The following DEPDC5 variants were observed in gnomAD, a reference collection of about 807,000 sequenced individuals.
DEPDC5 encodes DEP domain containing 5, GATOR1 subcomplex subunit.
Under a neutral mutation model 217.3 loss-of-function variants are expected in DEPDC5, and 73 were observed. The ratio of observed to expected loss-of-function variants is 0.34; its 90% CI spans 0.28 to 0.41. DEPDC5 has a LOEUF of 0.41. Among genes scored for constraint, DEPDC5 ranks in the 10% least tolerant of loss-of-function variants. The pLI is 1.00. For missense variants in DEPDC5, 1,675 were observed against 2,070.1 expected (o/e 0.81, Z 3.70); for synonymous variants, 733 against 756.7 (o/e 0.97, Z 0.51).
At chr22:31,857,594 C>A in intron 32 of DEPDC5, 41 bp downstream of exon 32, 1 of 1,526,716 alleles carries the variant, frequency 6.6e-7, no homozygotes. Context: ...TCTGTGCTCT[C>A]AGAGACTCAG....
chr22:31,871,939 G>A (rs896768356), intron 34 of DEPDC5, among the ~76,000 whole-genome samples: 2 of 152,212 alleles, frequency 1.3e-5, no homozygotes, highest in Non-Finnish European at 2.9e-5. Context: ...GCCCAGACAC[G>A]TGGTCTCAGC....
chr22:31,792,636 A>T (rs147465188), intron 11 of DEPDC5, 109 bp from the exon 12 acceptor site: 1 of 411,216 alleles, frequency 2.4e-6, no homozygotes, highest in Non-Finnish European at 4.1e-6. Flanking sequence ...AAAAAAAGAC[A>T]GTTATCTTTA....
At chr22:31,781,216 C>CA (rs1243159443) in intron 8 of DEPDC5, among the ~76,000 whole-genome samples, 40 of 97,890 alleles carry the variant, frequency 4.1e-4, no homozygotes, top group East Asian at 3.8e-3. Context: ...AACTCGGTCT[C>CA]AAAAACAAAC....
intron 24 of DEPDC5, among the ~76,000 whole-genome samples, chr22:31,828,798 A>G (rs1028554757): frequency 2.0e-5 from 3 of 152,234 alleles, no homozygotes; most frequent in African/African-American, 7.2e-5. Flanking sequence ...AACAAAAACT[A>G]CTAAGACACT....
chr22:31,826,476 A>G, intron 24 of DEPDC5: 1 of 433,028 alleles, frequency 2.3e-6, no homozygotes, highest in African/African-American at 2.0e-5. Context: ...GTTCCTTTGC[A>G]TAGATAGGTT....
chr22:31,835,177 AT>A lies in DEPDC5; in HGVS notation c.2170+1203del, dbSNP rs1569054450. 5.3e-5 allele frequency among the ~76,000 whole-genome samples: 8 copies of A among 152,098 alleles called. No individual in the cohort carries two copies. In the South Asian group the frequency reaches 1.7e-3, roughly 32 times the overall value. ...ACATAATACATGGTGCAGCAGGTGT[AT>A]TTTTTCTTTTGGTTAATGTCTTTGG... On this transcript the variant is annotated intron_variant, in intron 25 of 42. Transcript: ENST00000651528.
chr22:31,773,785 A>G (rs1202392064), intron 7 of DEPDC5, among the ~76,000 whole-genome samples: 1 of 152,210 alleles, frequency 6.6e-6, no homozygotes, highest in Non-Finnish European at 1.5e-5. Flanking sequence ...AGTTAAGAAC[A>G]CATGAGCCGG....
At chr22:31,832,578 ACTT>A (rs981140480) in intron 24 of DEPDC5, among the ~76,000 whole-genome samples, 1 of 151,346 alleles carries the variant, frequency 6.6e-6, no homozygotes, top group Non-Finnish European at 1.5e-5. Context: ...GCAACCTTGG[ACTT>A]CTGGGCACAA....
In DEPDC5 at chr22:31,864,526, T is replaced by TATATATATATATA. The variant is rs1335760559; in HGVS notation, c.3330+3093_3330+3094insATATATATATATA. Among the ~76,000 whole-genome samples, 943 of 117,300 alleles carry TATATATATATATA rather than the reference T, an allele frequency of 8.0e-3. 15 individuals are homozygous for TATATATATATATA. The highest frequency in any genetic ancestry group is 0.018 in the South Asian group (67 of 3,708). 77.0% of individuals were successfully genotyped at this position (117,300 alleles called of 152,430 possible). On this transcript the variant is annotated intron_variant, in intron 33 of 42. Coordinates refer to ENST00000651528, the MANE Select transcript of DEPDC5 (RefSeq NM_001242896.3). ...AATATATATATATATATATATATAT[T>TATATATATATATA]TATATATTTATTTATTTACTGTGTG...
intron 1 of DEPDC5, 107 bp from the exon 2 acceptor site, chr22:31,754,755 C>A: frequency 1.4e-6 from 1 of 691,542 alleles, no homozygotes; most frequent in Non-Finnish European, 2.5e-6. Flanking sequence ...TCACTTGGCA[C>A]CACTTCACAG....
chr22:31,838,812 C>T lies in DEPDC5; in HGVS notation c.2482C>T (p.Pro828Ser), dbSNP rs200526736. Residue 828 changes from proline (P) to serine (S), a missense_variant, in exon 27 of 43, where the codon CCC (proline) becomes TCC (serine). Transcript: ENST00000651528. The part of the protein sequence containing the change: ...KTQKPNPAVP[P>S]PLSSSPLYSR... Reference sequence around the variant, plus strand: ...ACAGAAACCCAATCCTGCTGTCCCGCCCCCGCTGAGCAGTAGCCCACTCTA... The same window carrying T: ...ACAGAAACCCAATCCTGCTGTCCCGTCCCCGCTGAGCAGTAGCCCACTCTA... The T allele has an allele frequency of 1.1e-5, 17 of 1,614,028 alleles. No individual in the cohort carries two copies. Among genetic ancestry groups the T allele is most frequent in the Admixed American group, 6.7e-5 (4 of 60,014 alleles).
chr22:31,786,593 C>G (rs1438999544), intron 10 of DEPDC5, among the ~76,000 whole-genome samples: 1 of 151,506 alleles, frequency 6.6e-6, no homozygotes. Flanking sequence ...GTTCAAACAA[C>G]CTAAAAAAAA....
chr22:31,810,789 T>G, intron 20 of DEPDC5, 148 bp downstream of exon 20: 1 of 1,324,156 alleles, frequency 7.6e-7, no homozygotes, highest in Non-Finnish European at 1.0e-6. Context: ...TGTTTTGTTT[T>G]TTTGAGATGG....
At chr22:31,793,849 C>T (rs1003447469) in intron 12 of DEPDC5, among the ~76,000 whole-genome samples, 2 of 152,094 alleles carry the variant, frequency 1.3e-5, no homozygotes, top group African/African-American at 2.4e-5. Context: ...GGATTACAGG[C>T]GGGAGCCACC....
Position 31,819,097 on chromosome 22 carries a change from A to G in DEPDC5, c.1742A>G (p.Glu581Gly), listed in dbSNP as rs1393550326. ...GGGAGGTTTCACGTTGGCAGTGCAG[A>G]ATCCATGCTGCATGTTCGACCTGGT... Reference protein sequence around the residue: ...APGRFHVGSAESMLHVRPGGY... With the variant: ...APGRFHVGSAGSMLHVRPGGY... The change falls in exon 22 of 43, where the codon GAA becomes GGA. Residue 581 changes from glutamate (E) to glycine (G), a missense_variant. By Grantham distance (98) the Glu-to-Gly change is moderately conservative. This residue lies in a region of DEPDC5 where 628 missense variants were observed against 762.1 expected (regional missense o/e 0.82). Coordinates refer to ENST00000651528, the MANE Select transcript of DEPDC5 (RefSeq NM_001242896.3). 3 of 1,614,176 alleles carry G rather than the reference A, an allele frequency of 1.9e-6. No homozygotes were observed. The highest frequency in any genetic ancestry group is 2.5e-6 in the Non-Finnish European group (3 of 1,180,018).
rs998114532 is a variant in DEPDC5 at position 31,907,795 on chromosome 22, A to G, written c.*1298A>G. On this transcript the variant is annotated 3_prime_UTR_variant, in exon 43 of 43. Coordinates refer to ENST00000651528, the MANE Select transcript of DEPDC5 (RefSeq NM_001242896.3). ...GCTGTGGGTCAGAGGGGAGAATCCG[A>G]CAGTGACTGCCACTTCTTGCTGTGC... is the stretch of plus-strand genomic sequence containing the variant. 1 of 152,238 alleles carries G rather than the reference A, an allele frequency of 6.6e-6. No individual in the cohort carries two copies. The highest frequency in any genetic ancestry group is 1.5e-5 in the Non-Finnish European group (1 of 68,096). 9.4% of individuals were successfully genotyped at this position (152,238 alleles called of 1,614,324 possible).
chr22:31,794,812 G>A (rs2086059406), intron 12 of DEPDC5, among the ~76,000 whole-genome samples: 1 of 152,032 alleles, frequency 6.6e-6, no homozygotes, highest in Non-Finnish European at 1.5e-5. Context: ...CTTGAGCCTG[G>A]GAAGTTGAGG....
At chr22:31,834,476 C>T (rs570204240) in intron 25 of DEPDC5, among the ~76,000 whole-genome samples, 8 of 150,724 alleles carry the variant, frequency 5.3e-5, no homozygotes, top group African/African-American at 1.7e-4. Context: ...CTTTACTTAG[C>T]TGTGACCAAT....
intron 14 of DEPDC5, among the ~76,000 whole-genome samples, chr22:31,802,183 G>T (rs2086942933): frequency 7.3e-6 from 1 of 137,644 alleles, no homozygotes; most frequent in South Asian, 2.3e-4. Context: ...AGGCTGGAAT[G>T]CAGTGGCACG....
Sources: gnomAD v4.1 joint callset for allele counts (sites outside exome capture counted in the v4.1 genomes callset) on GRCh38, gnomAD v4.1.1 for gene constraint, gnomAD v4.1.1 regional missense constraint, MANE v1.5 for transcripts, NCBI Gene and HGNC (gene_info 2026-07-23, HGNC 2026-07-21) for gene names.